Variants in LEPR observed in about 807,000 individuals in gnomAD.
LEPR encodes OB receptor.
A neutral mutation model predicts 114.7 loss-of-function variants in LEPR; 56 were observed. The observed-to-expected ratio is 0.49, with a 90% confidence interval of 0.39 to 0.61. The LOEUF (loss-of-function observed/expected upper bound fraction) is 0.61, where lower values mean the gene tolerates loss of function less well. Among genes scored for constraint, LEPR ranks in the 20% least tolerant of loss-of-function variants. The probability of loss-of-function intolerance (pLI) is 0.00; values close to 1 mark genes in which losing one functional copy is unlikely to be tolerated. For synonymous variants in LEPR, 443 were observed against 461.4 expected, an observed-to-expected ratio of 0.96 and a Z score of 0.51; for missense variants, 1,202 against 1,352.9, an observed-to-expected ratio of 0.89 and a Z score of 1.75.
intron 2 of LEPR, among the ~76,000 whole-genome samples, chr1:65,458,808 G>A (rs974144963): frequency 3.3e-5 from 5 of 151,884 alleles, no homozygotes; most frequent in Admixed American, 1.3e-4. Context: ...CCTTTTGTTA[G>A]TCCCATTATA....
chr1:65,430,508 C>A (rs1343451690), intron 2 of LEPR, among the ~76,000 whole-genome samples: 1 of 152,170 alleles, frequency 6.6e-6, no homozygotes, highest in Admixed American at 6.5e-5. Context: ...AAGTTGACAT[C>A]TTCACTTCCA....
chr1:65,432,751 C>A, intron 2 of LEPR: 2 of 549,610 alleles, frequency 3.6e-6, no homozygotes, highest in Non-Finnish European at 4.6e-6. Flanking sequence ...ACTTGCACAG[C>A]ATGCTAAATA....
intron 2 of LEPR, among the ~76,000 whole-genome samples, chr1:65,461,891 G>A (rs1027085573): frequency 1.7e-4 from 26 of 152,232 alleles, no homozygotes; most frequent in African/African-American, 6.3e-4. Flanking sequence ...CCAAACATCA[G>A]CCTAATCGTG....
intron 2 of LEPR, among the ~76,000 whole-genome samples, chr1:65,527,279 C>T (rs1650038954): frequency 6.6e-6 from 1 of 152,198 alleles, no homozygotes; most frequent in Non-Finnish European, 1.5e-5. Context: ...AGCACAATAG[C>T]AGAGATGCCA....
intron 2 of LEPR, among the ~76,000 whole-genome samples, chr1:65,498,145 A>G (rs1187339045): frequency 1.3e-5 from 2 of 152,144 alleles, no homozygotes; most frequent in African/African-American, 4.8e-5. Flanking sequence ...CCTAATAAAG[A>G]TGAAAGAGAA....
rs971603293 is a variant in LEPR at position 65,570,827 on chromosome 1, G to T, written c.370+25G>T. On this transcript the variant is annotated intron_variant, in intron 4 of 19. Transcript: ENST00000349533. ...GGTAAGCATTAGCTATGTTTTAAAT[G>T]TATTGAACAATGTTTTTTAATTCTT... 2.0e-6 allele frequency: 3 copies of T among 1,507,744 alleles called. No individual in the cohort carries two copies. The African/African-American group carries it at 4.2e-5, about 21-fold the overall frequency. 93.4% of individuals were successfully genotyped at this position (1,507,744 alleles called of 1,614,324 possible).
At chr1:65,507,684 A>G (rs1160725484) in intron 2 of LEPR, among the ~76,000 whole-genome samples, 2 of 151,852 alleles carry the variant, frequency 1.3e-5, no homozygotes, top group East Asian at 1.9e-4. Flanking sequence ...TATGATTTCA[A>G]TTCTTTTGCA....
At chr1:65,452,762 C>T (rs376534538) in intron 2 of LEPR, among the ~76,000 whole-genome samples, 17 of 150,918 alleles carry the variant, frequency 1.1e-4, no homozygotes, top group African/African-American at 2.4e-4. Context: ...TGTCTCTGCC[C>T]GGCTTTGGTA....
At position 65,518,629 on chromosome 1, in the gene LEPR, C is replaced by T. The variant is rs1020971763; in HGVS notation, c.-20-46917C>T. On this transcript the variant is annotated intron_variant, in intron 2 of 19. Transcript: ENST00000349533. ...TCCTTTTACATCTTACTATAAGCAG[C>T]GAGAAACCAAAATGTGCCTTCAACA... Among the ~76,000 whole-genome samples, 5 of 152,254 alleles carry T rather than the reference C, an allele frequency of 3.3e-5. No individual in the cohort carries two copies. In the East Asian group the frequency reaches 5.8e-4, roughly 18 times the overall value.
chr1:65,609,263 A>C (rs1039162654), intron 12 of LEPR, among the ~76,000 whole-genome samples: 2 of 152,160 alleles, frequency 1.3e-5, no homozygotes, highest in Non-Finnish European at 2.9e-5. Context: ...AAAATTTGTG[A>C]CCTTATTTCA....
chr1:65,581,834 T>C (rs932104099), intron 5 of LEPR, among the ~76,000 whole-genome samples: 2 of 152,210 alleles, frequency 1.3e-5, no homozygotes, highest in Admixed American at 6.5e-5. Context: ...TTCAGTTCAA[T>C]AGGCACATTC....
At chr1:65,603,648 C>T (rs183138038) in intron 10 of LEPR, among the ~76,000 whole-genome samples, 2 of 151,382 alleles carry the variant, frequency 1.3e-5, no homozygotes, top group East Asian at 3.9e-4. Flanking sequence ...TGCAGCCCAA[C>T]ACAAATTTAT....
rs1291576734 is a variant in LEPR, at chr1:65,637,150, T to C, written c.*135T>C. On this transcript the variant is annotated 3_prime_UTR_variant, in exon 20 of 20. Coordinates refer to ENST00000349533, the MANE Select transcript of LEPR (RefSeq NM_002303.6). ...ATTGTTCCAAATGAATGTTGTCTGTTTGTTCTCTCTTAGTAACATAGACAA... is the reference window on the plus strand; with the variant it reads ...ATTGTTCCAAATGAATGTTGTCTGTCTGTTCTCTCTTAGTAACATAGACAA... 2 of 1,058,526 alleles carry C rather than the reference T, an allele frequency of 1.9e-6. No individual in the cohort carries two copies. Among genetic ancestry groups the C allele is most frequent in the East Asian group, 2.8e-5 (1 of 35,414 alleles). The allele number at this position is 1,058,526 out of a possible 1,614,324, so 65.6% of individuals were successfully genotyped here. A position where few individuals can be genotyped will look rare whatever the true frequency, so the allele number is the denominator to read the frequency against.
chr1:65,434,724 G>T, intron 2 of LEPR: 1 of 985,342 alleles, frequency 1.0e-6, no homozygotes, highest in Non-Finnish European at 1.2e-6. Flanking sequence ...TAATGCCCTT[G>T]AGATCCAGGT....
chr1:65,547,068 G>A (rs1442774644), intron 2 of LEPR, among the ~76,000 whole-genome samples: 1 of 151,946 alleles, frequency 6.6e-6, no homozygotes, highest in African/African-American at 2.4e-5. Context: ...AGATAATCAT[G>A]TGGTTTTTGT....
rs182174102 is a variant in LEPR at position 65,587,453 on chromosome 1, C to A, written c.495-5204C>A. 2.0e-5 allele frequency among the ~76,000 whole-genome samples: 3 copies of A among 152,182 alleles called. No homozygotes were observed. The East Asian group carries it at 5.8e-4, about 29-fold the overall frequency. On this transcript the variant is annotated intron_variant, in intron 5 of 19. Transcript: ENST00000349533. ...AAAACAATATTTTATGGGTGGATAG[C>A]ATTTTACAGTTCTCAAAAATACTTT...
chr1:65,594,295 A>G (rs1488038489), intron 6 of LEPR, among the ~76,000 whole-genome samples: 3 of 152,092 alleles, frequency 2.0e-5, no homozygotes, highest in Non-Finnish European at 4.4e-5. Flanking sequence ...TTTGAGGAAC[A>G]AAACAGAAGA....
chr1:65,438,182 A>G (rs1438413500), intron 2 of LEPR, among the ~76,000 whole-genome samples: 4 of 150,850 alleles, frequency 2.7e-5, no homozygotes, highest in African/African-American at 9.8e-5. Flanking sequence ...TGAGAAATAA[A>G]TAATATAAAT....
intron 2 of LEPR, chr1:65,431,924 TTA>T (rs767044078): frequency 1.9e-6 from 3 of 1,612,724 alleles, no homozygotes; most frequent in African/African-American, 2.7e-5. Context: ...TGGTAGCACT[TTA>T]TTCTGATTAC....
Sources: allele counts gnomAD v4.1 joint callset (sites outside exome capture counted in the v4.1 genomes callset), GRCh38; gene constraint gnomAD v4.1.1; transcripts MANE v1.5; gene names NCBI Gene and HGNC (gene_info 2026-07-23, HGNC 2026-07-21).